The following ATAD1 variants were observed in gnomAD, a reference collection of about 807,000 sequenced individuals.
The protein encoded by ATAD1 is ATPase family AAA domain containing 1, also known as outer mitochondrial transmembrane helix translocase.
A neutral mutation model predicts 42.7 loss-of-function variants in ATAD1; 18 were observed. The observed-to-expected ratio is 0.42, with a 90% confidence interval of 0.29 to 0.63. The LOEUF is 0.63. Among genes scored for constraint, ATAD1 ranks in the 20% least tolerant of loss-of-function variants. ATAD1 has a pLI of 0.19. For synonymous variants in ATAD1, 132 were observed against 143.1 expected (o/e 0.92, Z 0.55); for missense variants, 294 against 440.4 (o/e 0.67, Z 2.98).
At chr10:87,810,039 T>C (rs1857110729) in intron 2 of ATAD1, among the ~76,000 whole-genome samples, 2 of 152,194 alleles carry the variant, frequency 1.3e-5, no homozygotes, top group Non-Finnish European at 2.9e-5. Flanking sequence ...AAAGTCTTGA[T>C]TTTATGTCTT....
At chr10:87,801,261 G>C (rs558875271) in intron 2 of ATAD1, among the ~76,000 whole-genome samples, 2 of 152,252 alleles carry the variant, frequency 1.3e-5, no homozygotes, top group South Asian at 4.1e-4. Flanking sequence ...ATTTTACAAT[G>C]ACCTGTAGTA....
In ATAD1 at chr10:87,775,977, A is replaced by G. The variant is rs566340378; in HGVS notation, c.690+344T>C. ...AAGAACCGAGGAAAACAGAAAGAAC[A>G]GTTTTTTAAAAAAATGTACACAATA... is the stretch of plus-strand genomic sequence containing the variant. On this transcript the variant is annotated intron_variant, in intron 6 of 9. Coordinates refer to ENST00000680024, the MANE Select transcript of ATAD1 (RefSeq NM_001321967.2). Among the ~76,000 whole-genome samples, 20 of 152,302 alleles carry G rather than the reference A, an allele frequency of 1.3e-4. No homozygotes were observed. The South Asian group carries it at 1.5e-3, about 11-fold the overall frequency.
chr10:87,808,359 G>C (rs1413233529), intron 2 of ATAD1, among the ~76,000 whole-genome samples: 1 of 148,164 alleles, frequency 6.7e-6, no homozygotes, highest in Non-Finnish European at 1.5e-5. Flanking sequence ...GTAATGAAAA[G>C]TAATGAAAGA....
chr10:87,839,197 C>CT (rs1857985045), intron 1 of ATAD1, among the ~76,000 whole-genome samples: 1 of 152,116 alleles, frequency 6.6e-6, no homozygotes, highest in South Asian at 2.1e-4. Context: ...TTTGGTATGT[C>CT]TTTTTTGAAT....
intron 2 of ATAD1, among the ~76,000 whole-genome samples, chr10:87,801,949 T>G (rs1195561464): frequency 6.6e-6 from 1 of 152,248 alleles, no homozygotes; most frequent in Non-Finnish European, 1.5e-5. Flanking sequence ...GCTTAAAATG[T>G]TGCTGATCCT....
chr10:87,806,463 G>A (rs750418262), intron 2 of ATAD1, among the ~76,000 whole-genome samples: 3 of 151,206 alleles, frequency 2.0e-5, no homozygotes, highest in African/African-American at 4.9e-5. Flanking sequence ...AGATCTTCTC[G>A]TCTCCCAGAA....
rs1296903541 is a variant in ATAD1, at chr10:87,753,941, T to C, written c.*746A>G. 1 of 152,292 alleles carries C rather than the reference T, an allele frequency of 6.6e-6. No homozygotes were observed. Among genetic ancestry groups the C allele is most frequent in the Non-Finnish European group, 1.5e-5 (1 of 68,010 alleles). 9.4% of individuals were successfully genotyped at this position (152,292 alleles called of 1,614,324 possible). ...ATTTAAAAAGTTTATACTCAAGAGG[T>C]GAAATCAGTGTTGAGCACATGGCTG... On this transcript the variant is annotated 3_prime_UTR_variant, in exon 10 of 10. Transcript: ENST00000680024.
chr10:87,840,864 G>A (rs1858019756), intron 1 of ATAD1, among the ~76,000 whole-genome samples: 1 of 152,150 alleles, frequency 6.6e-6, no homozygotes, highest in African/African-American at 2.4e-5. Flanking sequence ...AGTAATATAT[G>A]ATGATATTTT....
chr10:87,791,030 C>CAAAAAAAAAAAAA (rs34722647), intron 3 of ATAD1, among the ~76,000 whole-genome samples: 8 of 66,244 alleles, frequency 1.2e-4, no homozygotes, highest in African/African-American at 3.5e-4. Flanking sequence ...ACTAAAATTA[C>CAAAAAAAAAAAAA]AAAAAAAAAA....
intron 1 of ATAD1, among the ~76,000 whole-genome samples, chr10:87,829,675 A>T (rs1018734309): frequency 3.3e-5 from 5 of 152,340 alleles, no homozygotes; most frequent in African/African-American, 1.2e-4. Flanking sequence ...TAGGAGTTCA[A>T]GACTTGAGTG....
chr10:87,793,057 G>C (rs566271810), intron 2 of ATAD1, among the ~76,000 whole-genome samples: 1 of 152,294 alleles, frequency 6.6e-6, no homozygotes, highest in East Asian at 1.9e-4. Flanking sequence ...GAGACTCTAG[G>C]ATACAGCTTA....
In ATAD1 at chr10:87,806,431, C is replaced by T. The variant is rs778552972; in HGVS notation, c.162+8007G>A. Among the ~76,000 whole-genome samples the T allele has an allele frequency of 1.2e-4, 19 of 152,170 alleles. 1 individual carries two copies. The highest frequency in any genetic ancestry group is 6.8e-3 in the Middle Eastern group (2 of 294). Reference sequence around the variant, plus strand: ...CATTATTATTATCTTTCAAGTCCTTCGGTGAGGCCCTCTCCAAATACAGAT... The same window carrying T: ...CATTATTATTATCTTTCAAGTCCTTTGGTGAGGCCCTCTCCAAATACAGAT... On this transcript the variant is annotated intron_variant, in intron 2 of 9. Coordinates refer to ENST00000680024, the MANE Select transcript of ATAD1 (RefSeq NM_001321967.2).
chr10:87,788,116 G>T (rs1056017784), intron 4 of ATAD1, among the ~76,000 whole-genome samples: 3 of 152,060 alleles, frequency 2.0e-5, no homozygotes, highest in African/African-American at 7.2e-5. Context: ...ACCAATTAGC[G>T]GCATCATGGT....
intron 8 of ATAD1, among the ~76,000 whole-genome samples, chr10:87,765,040 TA>T (rs1564742231): frequency 6.6e-6 from 1 of 152,034 alleles, no homozygotes; most frequent in Admixed American, 6.6e-5. Flanking sequence ...TTAATAGGTA[TA>T]ACATGGCAAT....
chr10:87,800,620 A>AT (rs796291287), intron 2 of ATAD1, among the ~76,000 whole-genome samples: 16 of 152,048 alleles, frequency 1.1e-4, no homozygotes, highest in South Asian at 4.2e-4. Context: ...AAAAAAAAAA[A>AT]TTTTTAATTA....
In ATAD1 at chr10:87,778,178, TAA is replaced by T. The variant is rs377243162; in HGVS notation, c.584-1753_584-1752del. Among the ~76,000 whole-genome samples the T allele has an allele frequency of 9.3e-3, 822 of 88,730 alleles. 7 individuals are homozygous for T. The highest frequency in any genetic ancestry group is 0.026 in the South Asian group (70 of 2,728). The allele number at this position is 88,730 out of a possible 152,430, so 58.2% of individuals were successfully genotyped here. On this transcript the variant is annotated intron_variant, in intron 5 of 9. Transcript: ENST00000680024. ...ACATGACTAAGATATTAGAATAAAT[TAA>T]AAAAAAAAAAAAAAAAAAAACTCAA...
In ATAD1 at chr10:87,770,944, C is replaced by T; in HGVS notation, c.780+8G>A. 1 of 1,610,404 alleles carries T rather than the reference C, an allele frequency of 6.2e-7. No homozygotes were observed. Among genetic ancestry groups the T allele is most frequent in the Middle Eastern group, 1.7e-4 (1 of 6,048 alleles). On this transcript the variant is annotated splice_region_variant and intron_variant, in intron 7 of 9. Coordinates refer to ENST00000680024, the MANE Select transcript of ATAD1 (RefSeq NM_001321967.2). ...TAACTCTTCATAATATCAATCAAGA[C>T]CACCTACAGGCTGGTTGATATGAAA...
intron 1 of ATAD1, among the ~76,000 whole-genome samples, chr10:87,833,727 CTTTTTT>C (rs3033524): frequency 2.0e-5 from 2 of 100,768 alleles, no homozygotes; most frequent in African/African-American, 3.9e-5. Flanking sequence ...TCTTTCTTTC[CTTTTTT>C]TTTTTTTTTT....
intron 1 of ATAD1, among the ~76,000 whole-genome samples, chr10:87,824,276 G>A (rs996078732): frequency 6.6e-6 from 1 of 151,286 alleles, no homozygotes; most frequent in Non-Finnish European, 1.5e-5. Context: ...TATGACATAC[G>A]ATTCAAACCA....
Sources: gnomAD v4.1 joint callset for allele counts (sites outside exome capture counted in the v4.1 genomes callset) on GRCh38, gnomAD v4.1.1 for gene constraint, MANE v1.5 for transcripts, NCBI Gene and HGNC (gene_info 2026-07-23, HGNC 2026-07-21) for gene names.